MCTP1: variants seen among roughly 807,000 people sequenced by gnomAD.
MCTP1 encodes multiple C2 and transmembrane domain containing 1.
Under a neutral mutation model 120.6 loss-of-function variants are expected in MCTP1, and 69 were observed. The observed-to-expected ratio is 0.57, with a 90% CI of 0.47 to 0.70. MCTP1 has a LOEUF of 0.70. Among genes scored for constraint, MCTP1 ranks in the 30% least tolerant of loss-of-function variants. The pLI is 0.00. For synonymous variants in MCTP1, 529 were observed against 493.1 expected, an observed-to-expected ratio of 1.07 and a Z score of -0.96; for missense variants, 1,203 against 1,248.8, an observed-to-expected ratio of 0.96 and a Z score of 0.55.
chr5:94,888,888 C>T lies in MCTP1; in HGVS notation c.1924G>A (p.Asp642Asn), dbSNP rs748879228. 5 of 1,609,396 alleles carry T rather than the reference C, an allele frequency of 3.1e-6. No homozygotes were observed. The highest frequency in any genetic ancestry group is 4.5e-5 in the East Asian group (2 of 44,850). Residue 642 changes from aspartate (D) to asparagine (N), a missense_variant, in exon 12 of 23, where the codon GAC becomes AAC. Asp to Asn is a conservative substitution (Grantham distance 23, BLOSUM62 1). This residue lies in a region of MCTP1 where 740 missense variants were observed against 871.1 expected (regional missense o/e 0.85). Transcript: ENST00000515393. The part of the protein sequence containing the change: ...VIRAEGLMAA[D>N]VTGKSDPFCV... ...TTGCATCATCTCTTACCAGTGACGT[C>T]GGCAGCCATTAACCCTTCCGCTCTG...
At chr5:95,191,904 C>A (rs1179594426) in intron 1 of MCTP1, among the ~76,000 whole-genome samples, 21 of 151,986 alleles carry the variant, frequency 1.4e-4, no homozygotes, top group Non-Finnish European at 1.5e-5. Context: ...TAGAGGTCTT[C>A]ATTCTTTTCA....
At chr5:94,810,690 T>C (rs1048543643) in intron 17 of MCTP1, among the ~76,000 whole-genome samples, 2 of 152,192 alleles carry the variant, frequency 1.3e-5, no homozygotes, top group Non-Finnish European at 2.9e-5. Context: ...GTGCAGAGTG[T>C]TGCATTCTGC....
chr5:95,261,232 A>G (rs144284543), intron 1 of MCTP1, among the ~76,000 whole-genome samples: 11 of 152,322 alleles, frequency 7.2e-5, no homozygotes, highest in African/African-American at 2.6e-4. Context: ...TTGTACTCTG[A>G]TCCATAATAA....
intron 18 of MCTP1, among the ~76,000 whole-genome samples, chr5:94,798,325 T>C (rs966592396): frequency 7.2e-5 from 11 of 152,250 alleles, no homozygotes; most frequent in Admixed American, 4.6e-4. Flanking sequence ...GCAGAACATA[T>C]GTGATTATAG....
At position 94,911,901 on chromosome 5, in the gene MCTP1, T is replaced by C. The variant is rs576202765; in HGVS notation, c.1521+905A>G. ...TGCTGAGTGATTATGGACAAGGCAG[T>C]ATTCTAAGCCCTTTAAATGCGTAAC... On this transcript the variant is annotated intron_variant, in intron 9 of 22. Transcript: ENST00000515393. Among the ~76,000 whole-genome samples the C allele has an allele frequency of 5.6e-4, 86 of 152,326 alleles. No homozygotes were observed. The South Asian group carries it at 0.018, about 31-fold the overall frequency.
chr5:94,891,098 C>T (rs561502904), intron 11 of MCTP1, among the ~76,000 whole-genome samples: 3 of 152,014 alleles, frequency 2.0e-5, no homozygotes, highest in East Asian at 1.9e-4. Flanking sequence ...CTATGACCTT[C>T]GTATATTGAG....
At chr5:94,989,129 C>T (rs1831013200) in intron 2 of MCTP1, among the ~76,000 whole-genome samples, 1 of 152,108 alleles carries the variant, frequency 6.6e-6, no homozygotes, top group Non-Finnish European at 1.5e-5. Flanking sequence ...TGGGATGTTG[C>T]TGTGTTGCCC....
chr5:95,241,657 T>C (rs10061453), intron 1 of MCTP1, among the ~76,000 whole-genome samples: 77,196 of 152,052 alleles, frequency 0.51, 19,926 homozygotes, highest in Middle Eastern at 0.62. Flanking sequence ...CAGAACATAG[T>C]GCTCCTGCAA....
At chr5:95,094,122 A>G (rs1336007266) in intron 1 of MCTP1, among the ~76,000 whole-genome samples, 1 of 152,216 alleles carries the variant, frequency 6.6e-6, no homozygotes, top group Non-Finnish European at 1.5e-5. Flanking sequence ...ATTGAGGTAC[A>G]AAATAAATGA....
At chr5:94,807,996 G>A (rs552836401) in intron 17 of MCTP1, among the ~76,000 whole-genome samples, 1 of 152,248 alleles carries the variant, frequency 6.6e-6, no homozygotes, top group Admixed American at 6.5e-5. Context: ...AGAAAAAATT[G>A]TCCTTATAAG....
At position 94,894,787 on chromosome 5, in the gene MCTP1, C is replaced by A; in HGVS notation, c.1701G>T (p.Leu567=). The change falls in exon 11 of 23, where the codon CTG becomes CTT. Residue 567 remains leucine (L), a synonymous_variant. Transcript: ENST00000515393. ...SALSREQTHK[L]ELQLEEGEGH... ...CCTCACCCTCTTCCAGCTGCAACTC[C>A]AGCTTGTGCGTCTGTTCCCTACTGA... is the stretch of plus-strand genomic sequence containing the variant. 6.2e-7 allele frequency: 1 copy of A among 1,612,794 alleles called. No homozygotes were observed. Among genetic ancestry groups the A allele is most frequent in the Non-Finnish European group, 8.5e-7 (1 of 1,179,240 alleles).
chr5:95,209,342 G>A (rs1276482958), intron 1 of MCTP1, among the ~76,000 whole-genome samples: 1 of 152,096 alleles, frequency 6.6e-6, no homozygotes, highest in Non-Finnish European at 1.5e-5. Context: ...CATGGTCTCT[G>A]AACTATTTGT....
chr5:95,122,887 C>T (rs1436686841), intron 1 of MCTP1, among the ~76,000 whole-genome samples: 2 of 151,978 alleles, frequency 1.3e-5, no homozygotes, highest in African/African-American at 4.8e-5. Flanking sequence ...ATGAAATAAG[C>T]CAGGCACAGA....
chr5:94,994,823 G>A (rs1427843931), intron 2 of MCTP1, among the ~76,000 whole-genome samples: 1 of 152,162 alleles, frequency 6.6e-6, no homozygotes, highest in Non-Finnish European at 1.5e-5. Flanking sequence ...GAAGAATGTG[G>A]AAGGACTGGT....
intron 19 of MCTP1, among the ~76,000 whole-genome samples, chr5:94,719,620 G>T (rs1437518807): frequency 1.3e-5 from 2 of 152,140 alleles, no homozygotes; most frequent in Non-Finnish European, 2.9e-5. Context: ...TAAACAATGA[G>T]AACATATAGA....
chr5:95,256,557 G>T (rs544114398), intron 1 of MCTP1, among the ~76,000 whole-genome samples: 1 of 152,196 alleles, frequency 6.6e-6, no homozygotes, highest in Non-Finnish European at 1.5e-5. Context: ...TAATAGTGAC[G>T]TCCTGCTGTT....
chr5:95,177,722 T>C (rs929835529), intron 1 of MCTP1, among the ~76,000 whole-genome samples: 7 of 152,190 alleles, frequency 4.6e-5, no homozygotes, highest in Non-Finnish European at 8.8e-5. Flanking sequence ...TTGTGCTTTA[T>C]TGCAATTACC....
intron 3 of MCTP1, among the ~76,000 whole-genome samples, chr5:94,952,474 C>T (rs1242004056): frequency 1.3e-5 from 2 of 152,094 alleles, no homozygotes; most frequent in Non-Finnish European, 2.9e-5. Flanking sequence ...GATGAGATTT[C>T]TGGCTCATGT....
chr5:95,207,248 T>C (rs921705205), intron 1 of MCTP1, among the ~76,000 whole-genome samples: 5 of 152,156 alleles, frequency 3.3e-5, no homozygotes, highest in Admixed American at 6.6e-5. Flanking sequence ...ATCTTAAATA[T>C]AGAACATCTT....
Sources: gnomAD v4.1 joint callset for allele counts (sites outside exome capture counted in the v4.1 genomes callset) on GRCh38, gnomAD v4.1.1 for gene constraint, gnomAD v4.1.1 regional missense constraint, MANE v1.5 for transcripts, NCBI Gene and HGNC (gene_info 2026-07-23, HGNC 2026-07-21) for gene names.